MIPEP: variants seen among roughly 807,000 people sequenced by gnomAD.
The protein encoded by MIPEP is mitochondrial intermediate peptidase.
MIPEP carries 79 observed loss-of-function variants against 90.3 expected under a neutral mutation model. That is an observed-to-expected ratio of 0.87 (90% confidence interval 0.73 to 1.05). MIPEP has a LOEUF of 1.05. Among genes scored for constraint, MIPEP ranks in the 50% least tolerant of loss-of-function variants. The pLI is 0.00. For missense variants in MIPEP, 940 were observed against 905.6 expected (o/e 1.04, Z -0.49); for synonymous variants, 334 against 315.8 (o/e 1.06, Z -0.61).
At chr13:23,861,818 A>G (rs1870319653) in intron 9 of MIPEP, among the ~76,000 whole-genome samples, 1 of 152,232 alleles carries the variant, frequency 6.6e-6, no homozygotes, top group Admixed American at 6.5e-5. Context: ...GGAAGATCAT[A>G]TAATCATATG....
At chr13:23,862,081 T>A (rs1469962595) in intron 9 of MIPEP, among the ~76,000 whole-genome samples, 2 of 152,176 alleles carry the variant, frequency 1.3e-5, no homozygotes, top group Non-Finnish European at 2.9e-5. Context: ...TGTATATACA[T>A]AAAATATGTC....
intron 16 of MIPEP, among the ~76,000 whole-genome samples, chr13:23,801,446 T>C (rs997051077): frequency 1.3e-5 from 2 of 152,206 alleles, no homozygotes; most frequent in Non-Finnish European, 2.9e-5. Context: ...GATCACCTTT[T>C]AATCCTTGGA....
At chr13:23,832,505 T>A in intron 14 of MIPEP, among the ~76,000 whole-genome samples, 1 of 151,344 alleles carries the variant, frequency 6.6e-6, no homozygotes, top group African/African-American at 2.4e-5. Context: ...AAAAAGAAAG[T>A]TGCATCTTAG....
intron 10 of MIPEP, among the ~76,000 whole-genome samples, chr13:23,851,685 CT>C (rs1185106093): frequency 9.1e-6 from 1 of 110,350 alleles, no homozygotes; most frequent in Non-Finnish European, 1.8e-5. Context: ...TATTTCATGT[CT>C]TTTTTTTAAT....
chr13:23,745,844 C>T (rs950567770), intron 18 of MIPEP, among the ~76,000 whole-genome samples: 1 of 150,772 alleles, frequency 6.6e-6, no homozygotes, highest in Non-Finnish European at 1.5e-5. Context: ...GCAGGAGAAT[C>T]GCTTGAACCT....
intron 16 of MIPEP, among the ~76,000 whole-genome samples, chr13:23,777,023 G>A (rs561456846): frequency 6.6e-6 from 1 of 152,282 alleles, no homozygotes; most frequent in South Asian, 2.1e-4. Context: ...TTAAACGCCA[G>A]TGAGTAAACA....
At chr13:23,787,814 A>G (rs1394956537) in intron 16 of MIPEP, among the ~76,000 whole-genome samples, 2 of 152,196 alleles carry the variant, frequency 1.3e-5, no homozygotes, top group Admixed American at 1.3e-4. Context: ...GGCTCTAGGG[A>G]AATGGATGTT....
In MIPEP at chr13:23,856,352, G is replaced by A. The variant is rs746578861; in HGVS notation, c.1106+2508C>T. On this transcript the variant is annotated intron_variant, in intron 10 of 18. Coordinates refer to ENST00000382172, the MANE Select transcript of MIPEP (RefSeq NM_005932.4). ...GGATAAACTGTGGAGGAAGAGCAGCGGTGGAAGAAAAATCAGAACAAATAA... is the reference window on the plus strand; with the variant it reads ...GGATAAACTGTGGAGGAAGAGCAGCAGTGGAAGAAAAATCAGAACAAATAA... Among the ~76,000 whole-genome samples, 79 of 152,172 alleles carry A rather than the reference G, an allele frequency of 5.2e-4. 1 individual carries two copies. Among genetic ancestry groups the A allele is most frequent in the Non-Finnish European group, 5.3e-4 (36 of 68,014 alleles).
intron 14 of MIPEP, among the ~76,000 whole-genome samples, chr13:23,835,842 A>G (rs1279387908): frequency 6.6e-6 from 1 of 152,242 alleles, no homozygotes; most frequent in Non-Finnish European, 1.5e-5. Context: ...TTAATGAGAC[A>G]ACATAAAAAT....
intron 14 of MIPEP, among the ~76,000 whole-genome samples, chr13:23,814,202 C>A (rs187457589): frequency 1.4e-4 from 21 of 152,328 alleles, no homozygotes; most frequent in African/African-American, 5.1e-4. Context: ...CTATCTCACA[C>A]TGACATATAA....
At chr13:23,759,610 C>T (rs1952518648) in intron 17 of MIPEP, among the ~76,000 whole-genome samples, 1 of 152,138 alleles carries the variant, frequency 6.6e-6, no homozygotes, top group South Asian at 2.1e-4. Flanking sequence ...GGAAGTTTAA[C>T]CACTACCTGG....
intron 16 of MIPEP, among the ~76,000 whole-genome samples, chr13:23,781,690 G>T (rs1305370878): frequency 1.3e-5 from 2 of 152,124 alleles, no homozygotes; most frequent in Non-Finnish European, 2.9e-5. Flanking sequence ...ACCCATCAGT[G>T]TGCTGTATTC....
chr13:23,760,078 T>C lies in MIPEP; in HGVS notation c.1970+18A>G. ...ACTGTGGTCCAAGATGGGGACATTT[T>C]AGAACTTACCCCCTTACCTGTTGAA... On this transcript the variant is annotated intron_variant, in intron 17 of 18. Coordinates refer to ENST00000382172, the MANE Select transcript of MIPEP (RefSeq NM_005932.4). 1 of 1,614,108 alleles carries C rather than the reference T, an allele frequency of 6.2e-7. No individual in the cohort carries two copies. Among genetic ancestry groups the C allele is most frequent in the Non-Finnish European group, 8.5e-7 (1 of 1,179,966 alleles).
intron 16 of MIPEP, among the ~76,000 whole-genome samples, chr13:23,797,573 C>T (rs1174280455): frequency 3.9e-5 from 6 of 152,206 alleles, no homozygotes; most frequent in African/African-American, 1.4e-4. Flanking sequence ...TGTCTGCTGG[C>T]TGCCGTGAAC....
chr13:23,781,811 T>G (rs1423951554), intron 16 of MIPEP, among the ~76,000 whole-genome samples: 8 of 152,196 alleles, frequency 5.3e-5, no homozygotes, highest in East Asian at 1.9e-4. Context: ...AATCCTAGTC[T>G]CTGATAAAAT....
chr13:23,816,048 G>A (rs770239759), intron 14 of MIPEP, among the ~76,000 whole-genome samples: 6 of 152,156 alleles, frequency 3.9e-5, no homozygotes, highest in Non-Finnish European at 7.4e-5. Flanking sequence ...TGTTTGTAAT[G>A]TGTCTTTTCT....
At chr13:23,779,611 C>T (rs1952756617) in intron 16 of MIPEP, among the ~76,000 whole-genome samples, 1 of 151,878 alleles carries the variant, frequency 6.6e-6, no homozygotes, top group African/African-American at 2.4e-5. Context: ...ACAGTAGGGG[C>T]AGGACAGTGG....
At chr13:23,748,952 T>C (rs1178984204) in intron 18 of MIPEP, among the ~76,000 whole-genome samples, 1 of 152,236 alleles carries the variant, frequency 6.6e-6, no homozygotes, top group Non-Finnish European at 1.5e-5. Flanking sequence ...AATTTAGGAA[T>C]AACCATCCAG....
At chr13:23,859,668 G>A (rs1453557382) in intron 9 of MIPEP, among the ~76,000 whole-genome samples, 2 of 152,086 alleles carry the variant, frequency 1.3e-5, no homozygotes, top group African/African-American at 2.4e-5. Flanking sequence ...ACAGTACCTG[G>A]CCCAGGGTAG....
Sources: allele counts gnomAD v4.1 joint callset (sites outside exome capture counted in the v4.1 genomes callset), GRCh38; gene constraint gnomAD v4.1.1; transcripts MANE v1.5; gene names NCBI Gene and HGNC (gene_info 2026-07-23, HGNC 2026-07-21).